Variants in TRIM38 observed in about 807,000 individuals in gnomAD.
TRIM38 encodes the protein tripartite motif containing 38.
TRIM38 carries 35 observed loss-of-function variants against 35.8 expected under a neutral mutation model. That is an observed-to-expected ratio of 0.98 (90% CI 0.75 to 1.30). The LOEUF is 1.30. Ranked by LOEUF, TRIM38 falls within the 50% of genes most tolerant of loss-of-function variation. TRIM38 has a pLI of 0.00. For synonymous variants in TRIM38, 198 were observed against 204.7 expected, an observed-to-expected ratio of 0.97 and a Z score of 0.28; for missense variants, 545 against 556.9, an observed-to-expected ratio of 0.98 and a Z score of 0.21.
intron 7 of TRIM38, chr6:25,973,864 T>C (rs1760313556): frequency 2.0e-6 from 2 of 985,304 alleles, no homozygotes; most frequent in African/African-American, 3.5e-5. Flanking sequence ...CCTGCTCCCT[T>C]GATTTTTTAA....
Position 25,973,160 on chromosome 6 carries a change from C to G in TRIM38, c.762-13C>G, listed in dbSNP as rs766286261. 6.2e-7 allele frequency: 1 copy of G among 1,613,988 alleles called. No individual in the cohort carries two copies. The highest frequency in any genetic ancestry group is 8.5e-7 in the Non-Finnish European group (1 of 1,180,010). Reference sequence around the variant, plus strand: ...GCACCTCTGAAGAAATCTCTCGCCTCTGCTTATTCTAGGAGTTGGGCTGTG... The same window carrying G: ...GCACCTCTGAAGAAATCTCTCGCCTGTGCTTATTCTAGGAGTTGGGCTGTG... On this transcript the variant is annotated splice_polypyrimidine_tract_variant and intron_variant, in intron 6 of 7. Transcript: ENST00000357085.
At chr6:25,970,198 G>A (rs1010040666) in intron 4 of TRIM38, among the ~76,000 whole-genome samples, 12 of 152,268 alleles carry the variant, frequency 7.9e-5, no homozygotes, top group African/African-American at 2.2e-4. Flanking sequence ...TTACAGGCGT[G>A]AGCCACTGCA....
chr6:25,976,732 G>T (rs1760405366), intron 7 of TRIM38, among the ~76,000 whole-genome samples: 2 of 152,212 alleles, frequency 1.3e-5, no homozygotes, highest in Non-Finnish European at 2.9e-5. Context: ...ACCTTGGAGT[G>T]ACATGCTGGT....
In TRIM38 at chr6:25,985,903, A is replaced by C. The variant is rs1760694710; in HGVS notation, c.*2216A>C. On this transcript the variant is annotated 3_prime_UTR_variant, in exon 8 of 8. Transcript: ENST00000357085. ...AATAAGAAAGAATGATAATAAAATA[A>C]ACAATTAAATAAAAGTTTTAAAAAA... The C allele has an allele frequency of 6.6e-6, 1 of 152,202 alleles. No individual in the cohort carries two copies. Among genetic ancestry groups the C allele is most frequent in the Admixed American group, 6.5e-5 (1 of 15,286 alleles). The allele number at this position is 152,202 out of a possible 1,614,324, so 9.4% of individuals were successfully genotyped here.
At chr6:25,970,123 G>A (rs368068060) in intron 4 of TRIM38, among the ~76,000 whole-genome samples, 6 of 151,984 alleles carry the variant, frequency 3.9e-5, no homozygotes, top group East Asian at 3.9e-4. Flanking sequence ...TCACCATGTT[G>A]GCCAGGATGG....
intron 7 of TRIM38, among the ~76,000 whole-genome samples, chr6:25,981,213 G>C (rs1760535899): frequency 6.6e-6 from 1 of 152,292 alleles, no homozygotes; most frequent in South Asian, 2.1e-4. Flanking sequence ...GTGGGACTGG[G>C]GTACTGAATA....
intron 7 of TRIM38, among the ~76,000 whole-genome samples, chr6:25,978,914 C>CG (rs1760472196): frequency 6.6e-6 from 1 of 152,078 alleles, no homozygotes; most frequent in African/African-American, 2.4e-5. Flanking sequence ...GTGATTGACC[C>CG]GCCTCAGCCT....
chr6:25,980,064 C>T (rs1269171742), intron 7 of TRIM38, among the ~76,000 whole-genome samples: 2 of 152,232 alleles, frequency 1.3e-5, no homozygotes, highest in East Asian at 3.9e-4. Context: ...CTGTTTTCTG[C>T]CTAGTATTTA....
chr6:25,981,817 C>G (rs1343735613), intron 7 of TRIM38, among the ~76,000 whole-genome samples: 2 of 152,204 alleles, frequency 1.3e-5, no homozygotes, highest in Non-Finnish European at 2.9e-5. Flanking sequence ...GAAAAGGTAT[C>G]TTTCTGCTCA....
chr6:25,962,905 T>C (rs1345499567), intron 1 of TRIM38, 50 bp downstream of exon 1: 1 of 152,406 alleles, frequency 6.6e-6, no homozygotes, highest in African/African-American at 2.4e-5. Context: ...GCTAAGGTTT[T>C]CTCAGTGGAT....
Position 25,987,296 on chromosome 6 carries a change from C to T in TRIM38, c.*3609C>T, listed in dbSNP as rs934181618. On this transcript the variant is annotated 3_prime_UTR_variant, in exon 8 of 8. Transcript: ENST00000357085. ...GGCTGCTGAAACAAAATACCACAGCCTGAGTGACTTAAACAACGACAATTT... is the reference window on the plus strand; with the variant it reads ...GGCTGCTGAAACAAAATACCACAGCTTGAGTGACTTAAACAACGACAATTT... The T allele has an allele frequency of 2.7e-5, 4 of 150,416 alleles. No homozygotes were observed. The East Asian group carries it at 7.8e-4, about 29-fold the overall frequency. The allele number at this position is 150,416 out of a possible 1,614,324, so 9.3% of individuals were successfully genotyped here. A position where few individuals can be genotyped will look rare whatever the true frequency, so the allele number is the denominator to read the frequency against.
At chr6:25,980,902 A>G (rs2113616732) in intron 7 of TRIM38, among the ~76,000 whole-genome samples, 1 of 152,360 alleles carries the variant, frequency 6.6e-6, no homozygotes, top group Non-Finnish European at 1.5e-5. Context: ...AAGTGGTATT[A>G]CCACCCCGTA....
intron 7 of TRIM38, among the ~76,000 whole-genome samples, chr6:25,979,332 A>G (rs908500141): frequency 6.6e-6 from 1 of 152,036 alleles, no homozygotes; most frequent in Non-Finnish European, 1.5e-5. Flanking sequence ...GACAAGTTCC[A>G]TTTTTGCTTG....
At position 25,977,614 on chromosome 6, in the gene TRIM38, C is replaced by T. The variant is rs183145239; in HGVS notation, c.874+4329C>T. On this transcript the variant is annotated intron_variant, in intron 7 of 7. Coordinates refer to ENST00000357085, the MANE Select transcript of TRIM38 (RefSeq NM_006355.5). Reference sequence around the variant, plus strand: ...CCCAGAAGGCAGAGGTTGCAGTGAGCTGAGATTGTGCCACTGCACTCCAGC... The same window carrying T: ...CCCAGAAGGCAGAGGTTGCAGTGAGTTGAGATTGTGCCACTGCACTCCAGC... Among the ~76,000 whole-genome samples the T allele has an allele frequency of 1.1e-3, 159 of 148,582 alleles. 2 individuals are homozygous for T. Among genetic ancestry groups the T allele is most frequent in the African/African-American group, 2.0e-3 (79 of 40,362 alleles).
rs1395842019 is a variant in TRIM38 at position 25,991,085 on chromosome 6, T to G, written c.*7398T>G. 1 of 152,284 alleles carries G rather than the reference T, an allele frequency of 6.6e-6. No individual in the cohort carries two copies. Among genetic ancestry groups the G allele is most frequent in the African/African-American group, 2.4e-5 (1 of 41,448 alleles). The allele number at this position is 152,284 out of a possible 1,614,324, so 9.4% of individuals were successfully genotyped here. A position where few individuals can be genotyped will look rare whatever the true frequency, so the allele number is the denominator to read the frequency against. Reference sequence around the variant, plus strand: ...TTCAGCGCTCCTTCTCTTTCCCCTTTGTCTTGTGTCTCCTTGGGTCTCTTT... The same window carrying G: ...TTCAGCGCTCCTTCTCTTTCCCCTTGGTCTTGTGTCTCCTTGGGTCTCTTT... On this transcript the variant is annotated 3_prime_UTR_variant, in exon 8 of 8. Transcript: ENST00000357085.
chr6:25,981,432 GTCACAGACCAACTGA>G (rs1167290075), intron 7 of TRIM38, among the ~76,000 whole-genome samples: 1 of 152,232 alleles, frequency 6.6e-6, no homozygotes, highest in Non-Finnish European at 1.5e-5. Context: ...TTCCTTAATT[GTCACAGACCAACTGA>G]TCAACATTTA....
chr6:25,971,847 GA>G lies in TRIM38; in HGVS notation c.508-21del, dbSNP rs766930255. The G allele has an allele frequency of 1.9e-6, 3 of 1,602,944 alleles. No individual in the cohort carries two copies. In the East Asian group the frequency reaches 6.7e-5, roughly 36 times the overall value. On this transcript the variant is annotated intron_variant, in intron 4 of 7. Coordinates refer to ENST00000357085, the MANE Select transcript of TRIM38 (RefSeq NM_006355.5). Reference sequence around the variant, plus strand: ...GACATTTGGTTTACTTCCACCTTTTGACCATACTTTCTTGACTCCAGGAGAA... The same window carrying G: ...GACATTTGGTTTACTTCCACCTTTTGCCATACTTTCTTGACTCCAGGAGAA...
chr6:25,983,482 C>T lies in TRIM38; in HGVS notation c.1193C>T (p.Ser398Phe). Residue 398 changes from serine to phenylalanine, a missense_variant, in exon 8 of 8, where the codon TCT becomes TTT. Ser to Phe is a radical substitution (Grantham distance 155, BLOSUM62 -2). Transcript: ENST00000357085. ...AAGAAAGGCTATGTAGCACTTACTT[C>T]TCCCCCAACTTCCCTTCATCTGCAT... ...CKKKGYVALT[S>F]PPTSLHLHEQ... is the part of the protein sequence containing the mutation. 1.2e-6 allele frequency: 2 copies of T among 1,614,130 alleles called. No individual in the cohort carries two copies. The highest frequency in any genetic ancestry group is 2.2e-5 in the East Asian group (1 of 44,868).
chr6:25,973,016 T>C, intron 5 of TRIM38, 38 bp from the exon 6 acceptor site: 1 of 1,613,942 alleles, frequency 6.2e-7, no homozygotes, highest in Non-Finnish European at 8.5e-7. Context: ...GAAATACCGA[T>C]GTTCCCATGC....
Sources: allele counts gnomAD v4.1 joint callset (sites outside exome capture counted in the v4.1 genomes callset), GRCh38; gene constraint gnomAD v4.1.1; transcripts MANE v1.5; gene names NCBI Gene and HGNC (gene_info 2026-07-23, HGNC 2026-07-21).